The following NLRP14 variants were observed in gnomAD, a reference collection of about 807,000 sequenced individuals.
NLRP14 encodes NLR family pyrin domain containing 14, also known as NACHT, LRR and PYD domains-containing protein 14.
In NLRP14, 105 loss-of-function variants were observed where a neutral mutation model predicts 94.7. The observed-to-expected ratio is 1.11, with a 90% CI of 0.95 to 1.30. The LOEUF (loss-of-function observed/expected upper bound fraction) is 1.30. Ranked by LOEUF, NLRP14 falls within the 50% of genes most tolerant of loss-of-function variation. The probability of loss-of-function intolerance (pLI) is 0.00; values close to 1 mark genes in which losing one functional copy is unlikely to be tolerated. For synonymous variants in NLRP14, 508 were observed against 459.9 expected (o/e 1.10, Z -1.34); for missense variants, 1,362 against 1,254.1 (o/e 1.09, Z -1.30).
intron 10 of NLRP14, among the ~76,000 whole-genome samples, chr11:7,062,979 A>C (rs983493564): frequency 1.3e-5 from 2 of 152,060 alleles, no homozygotes; most frequent in Non-Finnish European, 2.9e-5. Context: ...GTACATTTTC[A>C]CTTATACAAC....
chr11:7,035,867 A>G (rs1468384839), intron 1 of NLRP14, among the ~76,000 whole-genome samples: 1 of 152,226 alleles, frequency 6.6e-6, no homozygotes, highest in African/African-American at 2.4e-5. Context: ...ATAACTCTGA[A>G]TTTCCAATGC....
chr11:7,089,367 C>T, the NLRP14 span: 1 of 1,605,620 alleles, frequency 6.2e-7, no homozygotes, highest in Non-Finnish European at 8.5e-7. Flanking sequence ...CAAGGTGGCC[C>T]AGGCCACCAA....
chr11:7,089,718 C>A, the NLRP14 span: 2 of 1,528,384 alleles, frequency 1.3e-6, no homozygotes, highest in South Asian at 1.2e-5. Flanking sequence ...GGAGCCGCTG[C>A]CCCCGCGCCG....
rs1397134102 is a variant in NLRP14 at position 7,070,467 on chromosome 11, A to T, written c.3146+11A>T. The T allele has an allele frequency of 1.2e-6, 2 of 1,603,360 alleles. No homozygotes were observed. Among genetic ancestry groups the T allele is most frequent in the Admixed American group, 1.7e-5 (1 of 59,966 alleles). ...ACTACAAGTTCTAGGGTAAGTCTCC[A>T]TTGGCTTCTCAGGGGGAGCATTTCC... On this transcript the variant is annotated intron_variant, in intron 11 of 11. Transcript: ENST00000299481.
chr11:7,055,776 A>C (rs4758154), intron 6 of NLRP14, among the ~76,000 whole-genome samples: 144,279 of 152,096 alleles, frequency 0.95, 68,899 homozygotes, highest in East Asian at 1. Context: ...GACCTATACC[A>C]AATAACAGCT....
At chr11:7,087,710 A>G in the NLRP14 span, among the ~76,000 whole-genome samples, 4 of 152,218 alleles carry the variant, frequency 2.6e-5, no homozygotes, top group Admixed American at 2.6e-4. Context: ...AACTTCTTCC[A>G]TAGTGGAGGA....
chr11:7,042,080 A>G lies in NLRP14; in HGVS notation c.362-308A>G, dbSNP rs1852261421. Among the ~76,000 whole-genome samples, 13 of 150,086 alleles carry G rather than the reference A, an allele frequency of 8.7e-5. No homozygotes were observed. In the South Asian group the frequency reaches 2.6e-3, roughly 30 times the overall value. The stretch of plus-strand genomic sequence containing the variant: ...TCTCCACATCTATTATCTTTTTTCT[A>G]TGTAGAAGGAAAAGTACAAAGAAGA... On this transcript the variant is annotated intron_variant, in intron 3 of 11. Coordinates refer to ENST00000299481, the MANE Select transcript of NLRP14 (RefSeq NM_176822.4).
intron 4 of NLRP14, among the ~76,000 whole-genome samples, chr11:7,044,904 T>G (rs1399331848): frequency 6.6e-6 from 1 of 152,226 alleles, no homozygotes; most frequent in Non-Finnish European, 1.5e-5. Context: ...GCTAAGTGCT[T>G]ATCACATAAC....
At chr11:7,054,758 G>T (rs1852495530) in intron 6 of NLRP14, among the ~76,000 whole-genome samples, 1 of 152,046 alleles carries the variant, frequency 6.6e-6, no homozygotes, top group African/African-American at 2.4e-5. Context: ...TGGGTTGTCT[G>T]TTCACCTTAT....
chr11:7,032,819 A>G (rs1852116304), intron 1 of NLRP14, among the ~76,000 whole-genome samples: 1 of 152,150 alleles, frequency 6.6e-6, no homozygotes, highest in African/African-American at 2.4e-5. Context: ...TCAAGACAAT[A>G]TTTTAGTGTG....
intron 10 of NLRP14, among the ~76,000 whole-genome samples, chr11:7,065,884 G>A (rs1565026858): frequency 1.3e-5 from 2 of 151,890 alleles, no homozygotes; most frequent in Admixed American, 6.6e-5. Flanking sequence ...ACAGGCCCTG[G>A]TATGTGATGT....
chr11:7,073,398 G>C (rs999906832), downstream of NLRP14, among the ~76,000 whole-genome samples: 1 of 152,202 alleles, frequency 6.6e-6, no homozygotes, highest in African/African-American at 2.4e-5. Flanking sequence ...TTCCCATGCA[G>C]TTCTGGTCAC....
At chr11:7,087,866 G>A in the NLRP14 span, among the ~76,000 whole-genome samples, 1 of 152,008 alleles carries the variant, frequency 6.6e-6, no homozygotes, top group Non-Finnish European at 1.5e-5. Context: ...AATGGACTAA[G>A]GTAAAAAGGT....
chr11:7,055,412 C>CA (rs1397439744), intron 6 of NLRP14, among the ~76,000 whole-genome samples: 1 of 151,972 alleles, frequency 6.6e-6, no homozygotes, highest in East Asian at 1.9e-4. Flanking sequence ...ATCTCATACT[C>CA]AAAAAACAAA....
intron 1 of NLRP14, among the ~76,000 whole-genome samples, chr11:7,031,354 C>T (rs1287452302): frequency 6.6e-6 from 1 of 152,108 alleles, no homozygotes; most frequent in Non-Finnish European, 1.5e-5. Flanking sequence ...GACTCAGGGC[C>T]CAAGAGGATG....
rs1307642550 is a variant in NLRP14, at chr11:7,043,538, C to A, written c.1512C>A (p.Ser504=). The part of the protein sequence containing the change: ...LKGSWEAGNP[S]CQPFEDLKSL... ...GCAGTTGGGAAGCTGGGAACCCTTC[C>A]TGCCAGCCTTTTGAAGATTTGAAGT... The change falls in exon 4 of 12, where the codon TCC becomes TCA. Residue 504 remains serine (S), a synonymous_variant. Transcript: ENST00000299481. 6.2e-7 allele frequency: 1 copy of A among 1,614,074 alleles called. No individual in the cohort carries two copies. The highest frequency in any genetic ancestry group is 2.2e-5 in the East Asian group (1 of 44,902).
chr11:7,039,219 T>C (rs1852209426), intron 2 of NLRP14, among the ~76,000 whole-genome samples: 1 of 152,172 alleles, frequency 6.6e-6, no homozygotes, highest in South Asian at 2.1e-4. Flanking sequence ...TCAAATATGA[T>C]TTAACATATT....
chr11:7,086,426 G>A, the NLRP14 span, among the ~76,000 whole-genome samples: 4,717 of 152,272 alleles, frequency 0.031, 138 homozygotes, highest in East Asian at 0.13. Flanking sequence ...GGTCCACTAT[G>A]CACAGAATTT....
Position 7,046,933 on chromosome 11 carries a change from C to G in NLRP14, c.2123+101C>G, listed in dbSNP as rs116084085. Reference sequence around the variant, plus strand: ...AGGGGAAGCCAATGCTAAACAAATACTTACAATCCATTTTGTAAAATAAAC... The same window carrying G: ...AGGGGAAGCCAATGCTAAACAAATAGTTACAATCCATTTTGTAAAATAAAC... On this transcript the variant is annotated intron_variant, in intron 5 of 11. Transcript: ENST00000299481. 1.1e-4 allele frequency: 98 copies of G among 873,082 alleles called. No homozygotes were observed. In the African/African-American group the frequency reaches 1.5e-3, roughly 13 times the overall value. 54.1% of individuals were successfully genotyped at this position (873,082 alleles called of 1,614,324 possible). A position where few individuals can be genotyped will look rare whatever the true frequency, so the allele number is the denominator to read the frequency against.
Sources: allele counts gnomAD v4.1 joint callset (sites outside exome capture counted in the v4.1 genomes callset), GRCh38; gene constraint gnomAD v4.1.1; transcripts MANE v1.5; gene names NCBI Gene and HGNC (gene_info 2026-07-23, HGNC 2026-07-21).